The following EIF4G3 variants were observed in gnomAD, a reference collection of about 807,000 sequenced individuals.
EIF4G3 encodes the protein eIF-4-gamma 3.
In EIF4G3, 34 loss-of-function variants were observed where a neutral mutation model predicts 186.4. The ratio of observed to expected loss-of-function variants is 0.18; its 90% CI spans 0.14 to 0.24. The LOEUF (loss-of-function observed/expected upper bound fraction) is 0.24. Among genes scored for constraint, EIF4G3 ranks in the 10% least tolerant of loss-of-function variants. The pLI is 1.00. For missense variants in EIF4G3, 1,536 were observed against 1,948.5 expected (o/e 0.79, Z 3.99); for synonymous variants, 673 against 679.5 (o/e 0.99, Z 0.15).
chr1:20,971,517 T>C (rs553792630), intron 11 of EIF4G3, among the ~76,000 whole-genome samples: 18 of 152,254 alleles, frequency 1.2e-4, no homozygotes, highest in Non-Finnish European at 2.4e-4. Context: ...CCAAAGCATA[T>C]AGTTTCTTGA....
intron 33 of EIF4G3, among the ~76,000 whole-genome samples, chr1:20,824,353 T>G (rs1204887611): frequency 2.0e-5 from 3 of 152,244 alleles, no homozygotes; most frequent in Admixed American, 6.5e-5. Flanking sequence ...ATTTTCAGAT[T>G]GCATTCTTGT....
intron 3 of EIF4G3, among the ~76,000 whole-genome samples, chr1:21,088,408 A>G (rs1452535939): frequency 6.9e-6 from 1 of 145,768 alleles, no homozygotes; most frequent in Admixed American, 7.0e-5. Flanking sequence ...AACAAGAGCA[A>G]AACTCCATCT....
At chr1:21,081,148 T>C (rs1347684492) in intron 3 of EIF4G3, among the ~76,000 whole-genome samples, 1 of 152,168 alleles carries the variant, frequency 6.6e-6, no homozygotes, top group East Asian at 1.9e-4. Flanking sequence ...AAATATGTAC[T>C]TGGGCTGGGC....
chr1:20,978,226 C>A (rs1366618932), intron 10 of EIF4G3, among the ~76,000 whole-genome samples: 1 of 152,022 alleles, frequency 6.6e-6, no homozygotes, highest in Non-Finnish European at 1.5e-5. Flanking sequence ...AAAGGTAAGT[C>A]CAAGGATTAC....
intron 2 of EIF4G3, among the ~76,000 whole-genome samples, chr1:21,162,259 C>G (rs1002064107): frequency 9.2e-5 from 14 of 151,616 alleles, no homozygotes; most frequent in Admixed American, 7.2e-4. Context: ...GAGCCCAGCC[C>G]GGCCAACATG....
intron 18 of EIF4G3, chr1:20,892,787 T>C: frequency 8.2e-7 from 1 of 1,217,586 alleles, no homozygotes; most frequent in Non-Finnish European, 1.1e-6. Context: ...AGATCTCCAG[T>C]ATTTTAGGAC....
chr1:20,942,254 TTTC>T lies in EIF4G3; in HGVS notation c.897_899del (p.Lys300del). The T allele has an allele frequency of 6.2e-7, 1 of 1,614,028 alleles. No individual in the cohort carries two copies. Among genetic ancestry groups the T allele is most frequent in the Non-Finnish European group, 8.5e-7 (1 of 1,179,898 alleles). ...TTTCAGATGTCTGGCCTTCTTGTTCTTTCTTCTCTCCACTGAGGACTAGCCTAA... is the reference window on the plus strand; with the variant it reads ...TTTCAGATGTCTGGCCTTCTTGTTCTTTCTCTCCACTGAGGACTAGCCTAA... On this transcript the variant is annotated inframe_deletion, in exon 14 of 37. Coordinates refer to ENST00000602326, the MANE Select transcript of EIF4G3 (RefSeq NM_001391906.1).
At chr1:21,033,943 G>A (rs927860068) in intron 4 of EIF4G3, among the ~76,000 whole-genome samples, 1 of 152,150 alleles carries the variant, frequency 6.6e-6, no homozygotes, top group African/African-American at 2.4e-5. Flanking sequence ...TTACAAATTA[G>A]CTGGGTGTGC....
intron 2 of EIF4G3, among the ~76,000 whole-genome samples, chr1:21,120,910 C>G (rs1018232730): frequency 1.3e-5 from 2 of 152,058 alleles, no homozygotes; most frequent in Non-Finnish European, 2.9e-5. Context: ...AGTTTCCTAA[C>G]CTGTAAAATG....
intron 10 of EIF4G3, among the ~76,000 whole-genome samples, chr1:20,978,302 T>G (rs2077262943): frequency 6.6e-6 from 1 of 152,236 alleles, no homozygotes; most frequent in South Asian, 2.1e-4. Flanking sequence ...ATATATATTG[T>G]GTAACTTTTA....
chr1:20,994,489 A>C (rs929600869), intron 7 of EIF4G3, among the ~76,000 whole-genome samples: 4 of 152,346 alleles, frequency 2.6e-5, no homozygotes, highest in African/African-American at 9.6e-5. Flanking sequence ...AAAAAGTGCC[A>C]GCTACCTGAA....
At position 21,176,860 on chromosome 1, in the gene EIF4G3, G is replaced by T. The variant is rs1168138620; in HGVS notation, c.-594C>A. The T allele has an allele frequency of 1.4e-6, 1 of 700,638 alleles. No individual in the cohort carries two copies. The highest frequency in any genetic ancestry group is 2.6e-6 in the Non-Finnish European group (1 of 383,544). 43.4% of individuals were successfully genotyped at this position (700,638 alleles called of 1,614,324 possible). A position where few individuals can be genotyped will look rare whatever the true frequency, so the allele number is the denominator to read the frequency against. On this transcript the variant is annotated 5_prime_UTR_variant, in exon 1 of 37. Coordinates refer to ENST00000602326, the MANE Select transcript of EIF4G3 (RefSeq NM_001391906.1). ...ACTCAACGAGCAGAGCATCCAACATGGCGCTGTGGCCGCCTCCAGCAGTCC... is the reference window on the plus strand; with the variant it reads ...ACTCAACGAGCAGAGCATCCAACATTGCGCTGTGGCCGCCTCCAGCAGTCC...
At chr1:20,928,641 T>G (rs1036102288) in intron 14 of EIF4G3, among the ~76,000 whole-genome samples, 7 of 152,186 alleles carry the variant, frequency 4.6e-5, no homozygotes, top group African/African-American at 1.7e-4. Flanking sequence ...GACCTCGTGA[T>G]CCGCCCCTCG....
chr1:21,131,436 A>C (rs2097152820), intron 2 of EIF4G3, among the ~76,000 whole-genome samples: 1 of 149,528 alleles, frequency 6.7e-6, no homozygotes, highest in Admixed American at 6.7e-5. Flanking sequence ...TGAGATAATG[A>C]CCTAGAATTT....
At position 20,957,656 on chromosome 1, in the gene EIF4G3, T is replaced by C. The variant is rs114356611; in HGVS notation, c.715-7545A>G. ...TTGAAAAAATAGATAGACTATTCAC[T>C]AGAATAACCAAGAAAAGAGAGAAGA... On this transcript the variant is annotated intron_variant, in intron 12 of 36. Transcript: ENST00000602326. Among the ~76,000 whole-genome samples, 811 of 151,510 alleles carry C rather than the reference T, an allele frequency of 5.4e-3. 9 individuals are homozygous for C. The highest frequency in any genetic ancestry group is 0.019 in the African/African-American group (784 of 41,296).
intron 30 of EIF4G3, among the ~76,000 whole-genome samples, chr1:20,831,316 T>C (rs935193547): frequency 6.6e-6 from 1 of 151,524 alleles, no homozygotes; most frequent in Admixed American, 6.6e-5. Flanking sequence ...CTTCAATCTT[T>C]AAAATGTTCC....
At chr1:20,839,886 A>G (rs2067968060) in intron 30 of EIF4G3, among the ~76,000 whole-genome samples, 1 of 138,844 alleles carries the variant, frequency 7.2e-6, no homozygotes, top group Non-Finnish European at 1.5e-5. Flanking sequence ...ATGTGCATTT[A>G]ATTTATGAGA....
At chr1:21,033,555 G>A (rs2092924206) in intron 4 of EIF4G3, among the ~76,000 whole-genome samples, 1 of 152,082 alleles carries the variant, frequency 6.6e-6, no homozygotes, top group African/African-American at 2.4e-5. Context: ...TATTTCTATT[G>A]AACAAATGGC....
At chr1:20,958,995 A>G (rs2096505386) in intron 12 of EIF4G3, among the ~76,000 whole-genome samples, 1 of 152,192 alleles carries the variant, frequency 6.6e-6, no homozygotes, top group Admixed American at 6.5e-5. Flanking sequence ...CTACAGATTC[A>G]ATGTAATTCT....
Sources: allele counts gnomAD v4.1 joint callset (sites outside exome capture counted in the v4.1 genomes callset), GRCh38; gene constraint gnomAD v4.1.1; transcripts MANE v1.5; gene names NCBI Gene and HGNC (gene_info 2026-07-23, HGNC 2026-07-21).